The following COL6A1 variants were observed in gnomAD, a reference collection of about 807,000 sequenced individuals.
The protein encoded by COL6A1 is collagen alpha-1(VI) chain.
Under a neutral mutation model 145.6 loss-of-function variants are expected in COL6A1, and 80 were observed. The ratio of observed to expected loss-of-function variants is 0.55; its 90% CI spans 0.46 to 0.66. COL6A1 has a LOEUF of 0.66. Ranked by LOEUF, COL6A1 falls within the 30% of genes least tolerant of loss-of-function variation. The pLI is 0.00. For missense variants in COL6A1, 1,364 were observed against 1,473.8 expected (o/e 0.93, Z 1.22); for synonymous variants, 638 against 622.8 (o/e 1.02, Z -0.36).
chr21:45,984,298 G>A lies in COL6A1; in HGVS notation c.257G>A (p.Trp86Ter). Residue 86 changes from tryptophan to a stop codon, truncating the protein, a stop_gained, in exon 3 of 35, where the codon TGG (tryptophan) becomes TAG (stop). Coordinates refer to ENST00000361866, the MANE Select transcript of COL6A1 (RefSeq NM_001848.3). LOFTEE classifies it high-confidence loss of function. ...RYYRCDRNLV[W>*]NAGALHYSDE... The stretch of plus-strand genomic sequence containing the variant: ...TACCGCTGTGACCGAAACCTGGTGT[G>A]GAACGCAGGCGCGCTGCACTACAGT... 6.2e-7 allele frequency: 1 copy of A among 1,610,618 alleles called. No homozygotes were observed. Among genetic ancestry groups the A allele is most frequent in the South Asian group, 1.1e-5 (1 of 90,656 alleles).
At chr21:45,982,889 C>T in intron 2 of COL6A1, 126 bp downstream of exon 2, 1 of 1,395,812 alleles carries the variant, frequency 7.2e-7, no homozygotes, top group Non-Finnish European at 1.0e-6. Flanking sequence ...TTGCCCTGAC[C>T]GGGGCCCCTC....
Position 45,994,215 on chromosome 21 carries a change from G to T in COL6A1, c.1384G>T (p.Val462Phe). ...GDQGREGPVG[V>F]PGDPGEAGPI... is the part of the protein sequence containing the mutation. ...TCAGGGAAGAGAAGGCCCCGTTGGT[G>T]TCCCTGGAGACCCGGTAGGAAGCGC... is the stretch of plus-strand genomic sequence containing the variant. The change falls in exon 20 of 35, where the codon GTC becomes TTC. Residue 462 changes from valine to phenylalanine, a missense_variant. Transcript: ENST00000361866. This position sits in a 1 kb window ranked among gnomAD's most constrained non-coding sequence, Gnocchi z 6.8. 1.2e-6 allele frequency: 2 copies of T among 1,609,912 alleles called. No homozygotes were observed. Among genetic ancestry groups the T allele is most frequent in the South Asian group, 2.2e-5 (2 of 89,834 alleles).
intron 25 of COL6A1, 23 bp downstream of exon 25, chr21:45,998,982 G>T: frequency 1.9e-6 from 3 of 1,551,146 alleles, no homozygotes; most frequent in Non-Finnish European, 2.6e-6. Flanking sequence ...GGGAGGCAGG[G>T]CCAGCCCCAA....
At chr21:46,002,989 C>T (rs1025115904) in intron 33 of COL6A1, 131 bp from the exon 34 acceptor site, 23 of 1,365,886 alleles carry the variant, frequency 1.7e-5, no homozygotes, top group East Asian at 2.4e-5. Flanking sequence ...CACAGGCATC[C>T]TCCTCCCGGC....
rs747366844 is a variant in COL6A1, at chr21:45,987,488, T to TC, written c.739-5dup. 2 of 1,612,906 alleles carry TC rather than the reference T, an allele frequency of 1.2e-6. No homozygotes were observed. The highest frequency in any genetic ancestry group is 1.1e-5 in the South Asian group (1 of 91,068). ...TTCCCACTGACTCGTCTCCATGCTT[T>TC]CCCCCCACAGTGCTGCTCCTTCGAA... On this transcript the variant is annotated splice_polypyrimidine_tract_variant and intron_variant, in intron 6 of 34. Transcript: ENST00000361866.
intron 2 of COL6A1, 46 bp from the exon 3 acceptor site, chr21:45,984,223 C>T (rs374367687): frequency 5.0e-5 from 77 of 1,551,020 alleles, no homozygotes; most frequent in African/African-American, 1.8e-4. Context: ...GTAGCGATGG[C>T]GCCAGGGGCC....
At chr21:45,985,361 CAG>C (rs919315734) in intron 3 of COL6A1, among the ~76,000 whole-genome samples, 1 of 149,844 alleles carries the variant, frequency 6.7e-6, no homozygotes, top group African/African-American at 2.5e-5. Context: ...GGCAGAGAGA[CAG>C]AGAGAGAAGC....
Position 46,004,609 on chromosome 21 carries a change from G to A in COL6A1, c.*596G>A, listed in dbSNP as rs1273675891. The A allele has an allele frequency of 1.3e-5, 5 of 389,476 alleles. No individual in the cohort carries two copies. The highest frequency in any genetic ancestry group is 2.6e-5 in the Non-Finnish European group (5 of 191,038). 24.1% of individuals were successfully genotyped at this position (389,476 alleles called of 1,614,324 possible). A position where few individuals can be genotyped will look rare whatever the true frequency, so the allele number is the denominator to read the frequency against. ...AGCCATTGGCCTCTGTCTCGTTTTG[G>A]GAAACCAAGGTCAGGAGGCCGTTGC... On this transcript the variant is annotated 3_prime_UTR_variant, in exon 35 of 35. Coordinates refer to ENST00000361866, the MANE Select transcript of COL6A1 (RefSeq NM_001848.3).
chr21:45,997,781 G>C lies in COL6A1; in HGVS notation c.1524+19G>C, dbSNP rs2276256. 0.087 allele frequency: 136,278 copies of C among 1,569,514 alleles called. 6,576 individuals are homozygous for C. Among genetic ancestry groups the C allele is most frequent in the East Asian group, 0.21 (8,851 of 42,540 alleles). The stretch of plus-strand genomic sequence containing the variant: ...TGAAAGGGTGAGTGTCCAACAGCTC[G>C]GGCCCTAGGGCGGAGGCCTGGCCGC... On this transcript the variant is annotated intron_variant, in intron 22 of 34. Coordinates refer to ENST00000361866, the MANE Select transcript of COL6A1 (RefSeq NM_001848.3).
At chr21:46,000,722 CCTGACTGGTCTAA>C (rs1569518987) in intron 28 of COL6A1, 24 bp from the exon 29 acceptor site, 2 of 1,613,760 alleles carry the variant, frequency 1.2e-6, no homozygotes, top group South Asian at 2.2e-5. Context: ...AGGACGCGGC[CCTGACTGGTCTAA>C]CTGACTCTTT....
intron 28 of COL6A1, 78 bp downstream of exon 28, chr21:46,000,445 T>C: frequency 1.3e-6 from 2 of 1,525,666 alleles, no homozygotes; most frequent in Non-Finnish European, 1.8e-6. Flanking sequence ...TAGAAGGGTG[T>C]CTCCACTGTT....
At chr21:45,983,465 C>A (rs556937298) in intron 2 of COL6A1, among the ~76,000 whole-genome samples, 5 of 152,220 alleles carry the variant, frequency 3.3e-5, no homozygotes, top group Admixed American at 6.5e-5. Context: ...GCTTAGCCGG[C>A]GTAGGAACCC....
Position 45,998,956 on chromosome 21 carries a change from C to A in COL6A1, c.1671C>A (p.Asp557Glu), listed in dbSNP as rs770099663. ...AGGGAGAAGCCGGGGACCCCGGAGA[C>A]GATGTAAGTGTGGATGGGAGGCAGG... Reference protein sequence around the residue: ...GDEGEAGDPGDDNNDIAPRGV... With the variant: ...GDEGEAGDPGEDNNDIAPRGV... Residue 557 changes from aspartate (D) to glutamate (E), a missense_variant, in exon 25 of 35, where the codon GAC (aspartate) becomes GAA (glutamate). Asp to Glu is a conservative substitution (Grantham distance 45). Transcript: ENST00000361866. 1.3e-6 allele frequency: 2 copies of A among 1,553,408 alleles called. No individual in the cohort carries two copies. Among genetic ancestry groups the A allele is most frequent in the Non-Finnish European group, 8.7e-7 (1 of 1,148,028 alleles).
chr21:46,004,211 C>A lies in COL6A1; in HGVS notation c.*198C>A. The stretch of plus-strand genomic sequence containing the variant: ...CCGGGGCTCAGCCCTGAGTTGGCAT[C>A]ACCTGCGCAGGGCCCTCTGGGGCTC... On this transcript the variant is annotated 3_prime_UTR_variant, in exon 35 of 35. Transcript: ENST00000361866. The A allele has an allele frequency of 2.8e-6, 2 of 711,020 alleles. No individual in the cohort carries two copies. Among genetic ancestry groups the A allele is most frequent in the Non-Finnish European group, 4.6e-6 (2 of 433,824 alleles). 44.0% of individuals were successfully genotyped at this position (711,020 alleles called of 1,614,324 possible).
chr21:45,983,569 A>T (rs1442802406), intron 2 of COL6A1, among the ~76,000 whole-genome samples: 1 of 150,290 alleles, frequency 6.7e-6, no homozygotes, highest in Non-Finnish European at 1.5e-5. Flanking sequence ...AGCAGGGTGG[A>T]CCTTCCAGCC....
At position 45,984,681 on chromosome 21, in the gene COL6A1, G is replaced by GAGAGAC. The variant is rs199643566; in HGVS notation, c.428+224_428+229dup. Reference sequence around the variant, plus strand: ...AGAAACAGGGAGAAACAGACACAGAGAGAGACAGAGACAGAGAGAGATAGA... The same window carrying GAGAGAC: ...AGAAACAGGGAGAAACAGACACAGAGAGAGACAGAGACAGAGACAGAGAGAGATAGA... On this transcript the variant is annotated intron_variant, in intron 3 of 34. Transcript: ENST00000361866. Among the ~76,000 whole-genome samples, 19,988 of 151,982 alleles carry GAGAGAC rather than the reference G, an allele frequency of 0.13. 1,573 individuals are homozygous for GAGAGAC. The highest frequency in any genetic ancestry group is 0.28 in the Middle Eastern group (82 of 292).
chr21:45,997,070 C>T (rs1161211245), intron 20 of COL6A1, among the ~76,000 whole-genome samples: 2 of 150,556 alleles, frequency 1.3e-5, no homozygotes, highest in Non-Finnish European at 2.9e-5. Flanking sequence ...CCTGAGGCAC[C>T]AGCCGGGCAC....
At chr21:45,990,111 T>G in intron 11 of COL6A1, 147 bp from the exon 12 acceptor site, 1 of 1,096,764 alleles carries the variant, frequency 9.1e-7, no homozygotes, top group Admixed American at 1.9e-5. Flanking sequence ...CCCCTCCCCA[T>G]CACTGTCAGT....
At chr21:45,999,577 T>A in intron 26 of COL6A1, 80 bp from the exon 27 acceptor site, 1 of 1,501,758 alleles carries the variant, frequency 6.7e-7, no homozygotes, top group Non-Finnish European at 9.2e-7. Context: ...GGCAGGGCCC[T>A]GGGGGTGGGG....
Sources: gnomAD v4.1 joint callset for allele counts (sites outside exome capture counted in the v4.1 genomes callset) on GRCh38, gnomAD v4.1.1 for gene constraint, Gnocchi (gnomAD v3.1) non-coding constraint, MANE v1.5 for transcripts, NCBI Gene and HGNC (gene_info 2026-07-23, HGNC 2026-07-21) for gene names.